MRPL1: variants seen among roughly 807,000 people sequenced by gnomAD.
MRPL1 encodes mitochondrial ribosomal protein L1, also known as large ribosomal subunit protein uL1m.
A neutral mutation model predicts 38.0 loss-of-function variants in MRPL1; 28 were observed. The observed-to-expected ratio is 0.74, with a 90% CI of 0.55 to 1.01. The LOEUF is 1.01. Ranked by LOEUF, MRPL1 falls within the 50% of genes least tolerant of loss-of-function variation. The probability of loss-of-function intolerance (pLI) is 0.00; values close to 1 mark genes in which losing one functional copy is unlikely to be tolerated. For missense variants in MRPL1, 358 were observed against 389.8 expected, an observed-to-expected ratio of 0.92 and a Z score of 0.69; for synonymous variants, 123 against 126.7, an observed-to-expected ratio of 0.97 and a Z score of 0.20.
chr4:77,934,616 A>C (rs1173387016), intron 7 of MRPL1, among the ~76,000 whole-genome samples: 1 of 152,234 alleles, frequency 6.6e-6, no homozygotes, highest in Non-Finnish European at 1.5e-5. Context: ...AGCCGCTATG[A>C]AAAACAATAT....
intron 5 of MRPL1, among the ~76,000 whole-genome samples, chr4:77,888,989 T>A (rs891641222): frequency 2.6e-5 from 4 of 152,104 alleles, no homozygotes; most frequent in Non-Finnish European, 4.4e-5. Context: ...AGCAAGTCCT[T>A]AGAGACCTAG....
chr4:77,889,369 T>C (rs1480916672), intron 5 of MRPL1, among the ~76,000 whole-genome samples: 1 of 152,148 alleles, frequency 6.6e-6, no homozygotes, highest in Non-Finnish European at 1.5e-5. Context: ...AACAACCTGC[T>C]CCTGAATGAC....
intron 6 of MRPL1, among the ~76,000 whole-genome samples, chr4:77,908,836 C>T (rs1398456497): frequency 6.6e-6 from 1 of 152,198 alleles, no homozygotes; most frequent in African/African-American, 2.4e-5. Flanking sequence ...GATCTGCTTG[C>T]AGACTTACAC....
rs565029874 is a variant in MRPL1 at position 77,886,686 on chromosome 4, G to T, written c.487-534G>T. On this transcript the variant is annotated intron_variant, in intron 4 of 8. Transcript: ENST00000315567. ...TAGAGATCGGGGATCTCACTTTGTTGCCCAGGCTGGTCTAGAACTCCTGGC... is the reference window on the plus strand; with the variant it reads ...TAGAGATCGGGGATCTCACTTTGTTTCCCAGGCTGGTCTAGAACTCCTGGC... 3.3e-5 allele frequency among the ~76,000 whole-genome samples: 5 copies of T among 151,904 alleles called. No individual in the cohort carries two copies. The South Asian group carries it at 1.0e-3, about 32-fold the overall frequency.
chr4:77,930,463 A>G (rs1238315644), intron 7 of MRPL1, among the ~76,000 whole-genome samples: 1 of 152,226 alleles, frequency 6.6e-6, no homozygotes, highest in African/African-American at 2.4e-5. Flanking sequence ...TGAACTGTGC[A>G]TACAAGGGAT....
chr4:77,943,588 C>T (rs1028207736), intron 7 of MRPL1, among the ~76,000 whole-genome samples: 6 of 151,936 alleles, frequency 3.9e-5, no homozygotes, highest in South Asian at 2.1e-4. Context: ...TCTTTTCTTT[C>T]TCTGTAGATT....
chr4:77,943,472 CTT>C (rs1479777467), intron 7 of MRPL1, among the ~76,000 whole-genome samples: 1 of 151,976 alleles, frequency 6.6e-6, no homozygotes, highest in East Asian at 1.9e-4. Context: ...GTTTTTCAAA[CTT>C]TTAGATTTCT....
chr4:77,865,277 G>A (rs1380061719), intron 1 of MRPL1, among the ~76,000 whole-genome samples: 4 of 152,172 alleles, frequency 2.6e-5, no homozygotes. Context: ...ACTCATCTGA[G>A]TATTCTACAT....
chr4:77,883,386 A>G lies in MRPL1; in HGVS notation c.288A>G (p.Ile96Met). 6.2e-7 allele frequency: 1 copy of G among 1,614,020 alleles called. No homozygotes were observed. The highest frequency in any genetic ancestry group is 8.5e-7 in the Non-Finnish European group (1 of 1,179,956). The change falls in exon 3 of 9, where the codon ATA (isoleucine) becomes ATG (methionine). Residue 96 changes from isoleucine (I) to methionine (M), a missense_variant. Ile to Met is a conservative substitution (Grantham distance 10, BLOSUM62 1). Coordinates refer to ENST00000315567, the MANE Select transcript of MRPL1 (RefSeq NM_020236.4). ...VYLKRLYPRQIYEVEKAVHLL... is the reference protein window; with the variant it reads ...VYLKRLYPRQMYEVEKAVHLL... ...TAAAACGCTTATACCCGAGACAGAT[A>G]TATGAGGTGGAGAAAGCTGTTCACT...
chr4:77,949,932 G>A, intron 8 of MRPL1, 54 bp downstream of exon 8: 3 of 1,052,972 alleles, frequency 2.8e-6, no homozygotes, highest in South Asian at 1.8e-5. Flanking sequence ...ACTTTAAAAT[G>A]TAAAATATGA....
At chr4:77,923,391 C>T (rs1024599216) in intron 7 of MRPL1, among the ~76,000 whole-genome samples, 12 of 151,924 alleles carry the variant, frequency 7.9e-5, no homozygotes, top group African/African-American at 2.9e-4. Flanking sequence ...CCACTGTGCC[C>T]GACCCTGGTT....
intron 5 of MRPL1, among the ~76,000 whole-genome samples, chr4:77,889,591 C>G (rs1369343305): frequency 2.0e-5 from 3 of 152,086 alleles, no homozygotes; most frequent in African/African-American, 7.2e-5. Context: ...CAAGAGCAAA[C>G]TAATTCAAAA....
intron 1 of MRPL1, among the ~76,000 whole-genome samples, chr4:77,865,630 T>A (rs1181189144): frequency 1.3e-5 from 2 of 152,126 alleles, no homozygotes; most frequent in African/African-American, 4.8e-5. Flanking sequence ...TCTCCTGAAG[T>A]GCTGGCAGTA....
chr4:77,929,101 T>C (rs1736786521), intron 7 of MRPL1, among the ~76,000 whole-genome samples: 3 of 152,224 alleles, frequency 2.0e-5, no homozygotes, highest in Non-Finnish European at 2.9e-5. Flanking sequence ...CTTTGCTGCA[T>C]AGGCAGCTTT....
intron 7 of MRPL1, among the ~76,000 whole-genome samples, chr4:77,918,672 G>T (rs894816272): frequency 3.9e-5 from 6 of 152,022 alleles, no homozygotes; most frequent in Non-Finnish European, 8.8e-5. Flanking sequence ...AAAAGAAGAG[G>T]GGAGAGATTT....
intron 4 of MRPL1, among the ~76,000 whole-genome samples, chr4:77,886,801 T>G (rs1270524828): frequency 7.0e-6 from 1 of 142,616 alleles, no homozygotes; most frequent in African/African-American, 2.6e-5. Flanking sequence ...TTTTTTTTTT[T>G]TTTTTTTTTG....
chr4:77,864,616 TCTC>T (rs922646047), intron 1 of MRPL1: 17 of 152,230 alleles, frequency 1.1e-4, no homozygotes, highest in African/African-American at 3.9e-4. Context: ...GTTTTCCTCA[TCTC>T]CTCAAAATCT....
At chr4:77,885,123 T>A in intron 3 of MRPL1, 133 bp from the exon 4 acceptor site, 1 of 615,244 alleles carries the variant, frequency 1.6e-6, no homozygotes, top group Non-Finnish European at 2.9e-6. Flanking sequence ...AATGAATAGT[T>A]CTGAATTAAT....
At chr4:77,866,445 T>C (rs1359964441) in intron 1 of MRPL1, among the ~76,000 whole-genome samples, 1 of 152,224 alleles carries the variant, frequency 6.6e-6, no homozygotes, top group African/African-American at 2.4e-5. Flanking sequence ...ATTGTAGTTA[T>C]TAGAAAATTT....
Sources: allele counts gnomAD v4.1 joint callset (sites outside exome capture counted in the v4.1 genomes callset), GRCh38; gene constraint gnomAD v4.1.1; transcripts MANE v1.5; gene names NCBI Gene and HGNC (gene_info 2026-07-23, HGNC 2026-07-21).